MBTPS2: variants seen among roughly 807,000 people sequenced by gnomAD.
The protein encoded by MBTPS2 is membrane-bound transcription factor site-2 protease.
A neutral mutation model predicts 35.4 loss-of-function variants in MBTPS2; 2 were observed. The ratio of observed to expected loss-of-function variants is 0.06; its 90% CI spans 0.02 to 0.18. The LOEUF (loss-of-function observed/expected upper bound fraction) is 0.18. Ranked by LOEUF, MBTPS2 falls within the 10% of genes least tolerant of loss-of-function variation. The probability of loss-of-function intolerance (pLI) is 1.00; values close to 1 mark genes in which losing one functional copy is unlikely to be tolerated. For missense variants in MBTPS2, 244 were observed against 386.5 expected, an observed-to-expected ratio of 0.63 and a Z score of 3.09; for synonymous variants, 125 against 140.4, an observed-to-expected ratio of 0.89 and a Z score of 0.77.
At chrX:21,874,398 A>G (rs2092950933) in intron 7 of MBTPS2, among the ~76,000 whole-genome samples, 1 of 111,168 alleles carries the variant, frequency 9.0e-6, no homozygotes, top group African/African-American at 3.3e-5. Context: ...AACAGAACTG[A>G]GAATAAATAG....
Position 21,843,201 on chromosome X carries a change from A to T in MBTPS2, c.107A>T (p.Asp36Val). Residue 36 changes from aspartate (D) to valine (V), a missense_variant, in exon 2 of 11, where the codon GAC (aspartate) becomes GTC (valine). Transcript: ENST00000379484. ...SSVYFKHSYE[D>V]WLENNGLSIS... ...GTCTATTTTAAACATTCTTATGAAGACTGGCTGGAAAACAACGGACTGAGC... is the reference window on the plus strand; with the variant it reads ...GTCTATTTTAAACATTCTTATGAAGTCTGGCTGGAAAACAACGGACTGAGC... The T allele has an allele frequency of 8.3e-7, 1 of 1,210,142 alleles. No homozygotes were observed. Among genetic ancestry groups the T allele is most frequent in the East Asian group, 3.0e-5 (1 of 33,846 alleles).
In MBTPS2 at chrX:21,845,372, G is replaced by A; in HGVS notation, c.426G>A (p.Val142=). Residue 142 remains valine (V), a synonymous_variant, in exon 3 of 11, where the codon GTG becomes GTA. Coordinates refer to ENST00000379484, the MANE Select transcript of MBTPS2 (RefSeq NM_015884.4). ...CTTCCTCGCTTCACAATGAACAGGT[G>A]TTACAAGTTGTGGTAAGTATCGTCT... ...SSSSSLHNEQ[V]LQVVVPGINL... 2 of 1,200,643 alleles carry A rather than the reference G, an allele frequency of 1.7e-6. No individual in the cohort carries two copies. Among genetic ancestry groups the A allele is most frequent in the South Asian group, 1.8e-5 (1 of 56,024 alleles).
intron 6 of MBTPS2, among the ~76,000 whole-genome samples, chrX:21,869,056 AAG>A (rs1455378287): frequency 4.4e-5 from 5 of 112,522 alleles, no homozygotes; most frequent in African/African-American, 1.6e-4. Flanking sequence ...AGACATTAGA[AAG>A]AGGAAAATTA....
chrX:21,870,726 T>C (rs1383472103), intron 7 of MBTPS2: 1 of 112,417 alleles, frequency 8.9e-6, no homozygotes, highest in Non-Finnish European at 1.9e-5. Flanking sequence ...AAATACCATG[T>C]GAAGTCAGAT....
intron 5 of MBTPS2, among the ~76,000 whole-genome samples, chrX:21,861,919 CAT>C (rs976406406): frequency 8.1e-5 from 9 of 111,773 alleles, no homozygotes; most frequent in Non-Finnish European, 1.7e-4. Flanking sequence ...TTACTTGGAA[CAT>C]GTGTTAGCTA....
At chrX:21,874,915 A>C (rs2092951422) in intron 7 of MBTPS2, among the ~76,000 whole-genome samples, 1 of 112,861 alleles carries the variant, frequency 8.9e-6, no homozygotes. Context: ...AGTCACAGAA[A>C]TTGGTTGAGT....
At chrX:21,862,837 A>T (rs1189757568) in intron 5 of MBTPS2, among the ~76,000 whole-genome samples, 19 of 94,116 alleles carry the variant, frequency 2.0e-4, no homozygotes, top group African/African-American at 6.8e-4. Flanking sequence ...ATATATATAA[A>T]AAACATATAT....
At chrX:21,849,516 A>G (rs776064957) in intron 3 of MBTPS2, among the ~76,000 whole-genome samples, 1 of 111,812 alleles carries the variant, frequency 8.9e-6, no homozygotes, top group South Asian at 3.7e-4. Flanking sequence ...GTATAATTTG[A>G]TGACATGTAT....
chrX:21,870,194 T>A (rs1410842884), intron 7 of MBTPS2: 2 of 92,310 alleles, frequency 2.2e-5, no homozygotes, highest in East Asian at 6.9e-4. Flanking sequence ...TGAGCCGAGA[T>A]CGGGACATGG....
At chrX:21,853,913 G>A (rs1439373690) in intron 5 of MBTPS2, among the ~76,000 whole-genome samples, 1 of 111,331 alleles carries the variant, frequency 9.0e-6, no homozygotes, top group Admixed American at 9.6e-5. Flanking sequence ...CTCTAGCACT[G>A]TCAGAGTTCA....
chrX:21,867,924 C>G lies in MBTPS2; in HGVS notation c.671-543C>G, dbSNP rs868046433. 2.4e-4 allele frequency among the ~76,000 whole-genome samples: 27 copies of G among 111,735 alleles called. No individual in the cohort carries two copies. The Middle Eastern group carries it at 0.014, about 58-fold the overall frequency. ...AAAGTGCTGGGATTACAGGCGTGAGCCACCGTGCCTGGCCGACAGTTTTCT... is the reference window on the plus strand; with the variant it reads ...AAAGTGCTGGGATTACAGGCGTGAGGCACCGTGCCTGGCCGACAGTTTTCT... On this transcript the variant is annotated intron_variant, in intron 5 of 10. Coordinates refer to ENST00000379484, the MANE Select transcript of MBTPS2 (RefSeq NM_015884.4).
At chrX:21,870,008 A>G in intron 7 of MBTPS2, 5 of 196,930 alleles carry the variant, frequency 2.5e-5, no homozygotes, top group Non-Finnish European at 4.7e-5. Context: ...TGGGAGGCTG[A>G]GGCGGGCGGA....
chrX:21,862,933 C>CATATATAAATATATATATATATAT (rs2092934132), intron 5 of MBTPS2, among the ~76,000 whole-genome samples: 1 of 27,675 alleles, frequency 3.6e-5, no homozygotes, highest in Non-Finnish European at 8.7e-5. Flanking sequence ...TATATATAAA[C>CATATATAAATATATATATATATAT]ATATATATAT....
intron 5 of MBTPS2, chrX:21,857,043 A>G (rs2092923924): frequency 5.8e-6 from 7 of 1,209,947 alleles, no homozygotes; most frequent in South Asian, 1.8e-5. Context: ...TTCCGTGACT[A>G]TGTGGTCCCC....
chrX:21,862,933 CATATATAT>C (rs542223686), intron 5 of MBTPS2, among the ~76,000 whole-genome samples: 752 of 27,675 alleles, frequency 0.027, 44 homozygotes, highest in Middle Eastern at 0.097. Flanking sequence ...TATATATAAA[CATATATAT>C]ATATATATAT....
rs746120043 is a variant in MBTPS2 at position 21,851,715 on chromosome X, T to G, written c.542+103T>G. 6.2e-5 allele frequency: 37 copies of G among 597,429 alleles called. 1 individual carries two copies. The South Asian group carries it at 8.6e-4, about 14-fold the overall frequency. The allele number at this position is 597,429 out of a possible 1,213,427, so 49.2% of individuals were successfully genotyped here. ...GCTATATTTGATACTTCACTATTTT[T>G]CTTTCTGCGGCTATTGCCTAGTGCA... On this transcript the variant is annotated intron_variant, in intron 4 of 10. Coordinates refer to ENST00000379484, the MANE Select transcript of MBTPS2 (RefSeq NM_015884.4).
At position 21,878,553 on chromosome X, in the gene MBTPS2, T is replaced by C. The variant is rs2147453588; in HGVS notation, c.1122T>C (p.Asn374=). Residue 374 remains asparagine, a synonymous_variant, in exon 9 of 11, where the codon AAT becomes AAC. Transcript: ENST00000379484. ...AVEATQVCRT[N]KDCKKSSSSS... ...AAGCAACTCAAGTTTGCAGAACCAA[T>C]AAAGACTGTAAAAAAAGCTCAAGTT... 5 of 1,208,646 alleles carry C rather than the reference T, an allele frequency of 4.1e-6. No homozygotes were observed. The East Asian group carries it at 1.2e-4, about 29-fold the overall frequency.
At chrX:21,866,398 A>C (rs1201397159) in intron 5 of MBTPS2, among the ~76,000 whole-genome samples, 2 of 111,262 alleles carry the variant, frequency 1.8e-5, no homozygotes, top group Non-Finnish European at 3.8e-5. Context: ...ATAATGGAAA[A>C]TCCAAGAGAA....
At chrX:21,856,495 A>G (rs757267918) in intron 5 of MBTPS2, 4 of 1,206,590 alleles carry the variant, frequency 3.3e-6, no homozygotes, top group East Asian at 3.0e-5. Flanking sequence ...ATGGCCTCCA[A>G]CGAAGATTTC....
Sources: gnomAD v4.1 joint callset for allele counts (sites outside exome capture counted in the v4.1 genomes callset) on GRCh38, gnomAD v4.1.1 for gene constraint, MANE v1.5 for transcripts, NCBI Gene and HGNC (gene_info 2026-07-23, HGNC 2026-07-21) for gene names.